CELF2: variants seen among roughly 807,000 people sequenced by gnomAD.
CELF2 encodes the protein CUGBP Elav-like family member 2, also known as CUG triplet repeat RNA-binding protein 2.
A neutral mutation model predicts 62.6 loss-of-function variants in CELF2; 8 were observed. The ratio of observed to expected loss-of-function variants is 0.13; its 90% CI spans 0.07 to 0.23. The LOEUF (loss-of-function observed/expected upper bound fraction) is 0.23. Ranked by LOEUF, CELF2 falls within the 10% of genes least tolerant of loss-of-function variation. The pLI is 1.00. For missense variants in CELF2, 333 were observed against 671.0 expected (o/e 0.50, Z 5.56); for synonymous variants, 258 against 250.0 (o/e 1.03, Z -0.30).
rs750574644 is a variant in CELF2 at position 10,995,147 on chromosome 10, A to T, written c.89+75148A>T. Among the ~76,000 whole-genome samples the T allele has an allele frequency of 6.6e-6, 1 of 152,200 alleles. No individual in the cohort carries two copies. Among genetic ancestry groups the T allele is most frequent in the Non-Finnish European group, 1.5e-5 (1 of 68,042 alleles). ...TGGTTATAAGTTCCTTAAGGGCAGGAGCTATGCCCCGTGCCTCTTTTGAAT... is the reference window on the plus strand; with the variant it reads ...TGGTTATAAGTTCCTTAAGGGCAGGTGCTATGCCCCGTGCCTCTTTTGAAT... On this transcript the variant is annotated intron_variant, in intron 2 of 13. Transcript: ENST00000636488. The surrounding 1 kb of genome is among the most constrained non-coding windows in gnomAD (Gnocchi z 4.7).
At chr10:10,798,337 C>T (rs1024805192), upstream of CELF2, 4 of 158,446 alleles carry the variant, frequency 2.5e-5, no homozygotes, top group African/African-American at 9.6e-5. Flanking sequence ...AGGAGAAATA[C>T]CCCCAAGGAG....
Position 10,839,184 on chromosome 10 carries a change from G to A in CELF2, c.53+40367G>A, listed in dbSNP as rs982862472. Among the ~76,000 whole-genome samples, 42 of 152,038 alleles carry A rather than the reference G, an allele frequency of 2.8e-4. 1 individual carries two copies. The highest frequency in any genetic ancestry group is 2.3e-3 in the Admixed American group (35 of 15,260). ...ATATTAGAAACCAAGACCTGGACAC[G>A]AGGTGTGCTCACTGCTACCGGGTTG... On this transcript the variant is annotated intron_variant, in intron 1 of 13. Coordinates refer to the CELF2 transcript ENST00000636488.
At chr10:10,737,191 C>T in the CELF2 span, among the ~76,000 whole-genome samples, 2 of 152,066 alleles carry the variant, frequency 1.3e-5, no homozygotes, top group Admixed American at 6.6e-5. Context: ...ATGTTTGAAA[C>T]GTTATCTTGT....
the CELF2 span, among the ~76,000 whole-genome samples, chr10:10,565,965 A>G: frequency 6.6e-6 from 1 of 152,170 alleles, no homozygotes; most frequent in Non-Finnish European, 1.5e-5. Flanking sequence ...ACATGCTTCT[A>G]ATTTTGCATC....
intron 2 of CELF2, among the ~76,000 whole-genome samples, chr10:11,172,329 C>T (rs1001478264): frequency 6.6e-6 from 1 of 152,210 alleles, no homozygotes; most frequent in Non-Finnish European, 1.5e-5. Flanking sequence ...TAGATTCATG[C>T]AAGCGGAGGA....
chr10:10,652,485 A>G, the CELF2 span, among the ~76,000 whole-genome samples: 1 of 135,508 alleles, frequency 7.4e-6, no homozygotes, highest in Non-Finnish European at 1.6e-5. Context: ...AGGTCGGGTT[A>G]CCCTCAAAGG....
Position 11,270,595 on chromosome 10 carries a change from G to A in CELF2, c.619-71G>A, listed in dbSNP as rs2083474111. 1.5e-6 allele frequency: 2 copies of A among 1,310,906 alleles called. No individual in the cohort carries two copies. The highest frequency in any genetic ancestry group is 5.9e-5 in the Admixed American group (2 of 34,062). 81.2% of individuals were successfully genotyped at this position (1,310,906 alleles called of 1,614,324 possible). A position where few individuals can be genotyped will look rare whatever the true frequency, so the allele number is the denominator to read the frequency against. On this transcript the variant is annotated intron_variant, in intron 6 of 12. Coordinates refer to ENST00000633077, the MANE Select transcript of CELF2 (RefSeq NM_001326342.2). This position sits in a 1 kb window ranked among gnomAD's most constrained non-coding sequence, Gnocchi z 5.8. ...AGGCTAGTGCAGAAAGGTAGCTCCG[G>A]TGCTGAGTGTCGTGAGCGGATTCCG... is the stretch of plus-strand genomic sequence containing the variant.
At chr10:10,775,194 T>G in the CELF2 span, among the ~76,000 whole-genome samples, 5 of 152,174 alleles carry the variant, frequency 3.3e-5, no homozygotes, top group Non-Finnish European at 5.9e-5. Flanking sequence ...ATGTTTTAGT[T>G]AAGACCTGGA....
intron 2 of CELF2, among the ~76,000 whole-genome samples, chr10:11,204,075 T>C (rs1403009977): frequency 2.0e-5 from 3 of 152,342 alleles, no homozygotes; most frequent in Non-Finnish European, 4.4e-5. Context: ...GAATCATCGT[T>C]AACATTATCC....
At chr10:11,067,482 C>G (rs934882289) in intron 1 of CELF2, among the ~76,000 whole-genome samples, 4 of 152,180 alleles carry the variant, frequency 2.6e-5, no homozygotes, top group African/African-American at 9.7e-5. Flanking sequence ...AAAATGAGAA[C>G]GCTTCTAAGT....
At chr10:11,143,451 TC>T (rs1266585873) in intron 1 of CELF2, among the ~76,000 whole-genome samples, 2 of 152,150 alleles carry the variant, frequency 1.3e-5, no homozygotes, top group Non-Finnish European at 2.9e-5. Flanking sequence ...CACTTCAAGT[TC>T]CGGTTTTGTC....
intron 2 of CELF2, among the ~76,000 whole-genome samples, chr10:11,216,784 A>T (rs566211185): frequency 6.6e-6 from 1 of 152,368 alleles, no homozygotes; most frequent in Admixed American, 6.5e-5. Context: ...TATGTAATGC[A>T]TGGGCCAGAG....
intron 1 of CELF2, among the ~76,000 whole-genome samples, chr10:11,082,383 C>T (rs191082016): frequency 2.4e-4 from 36 of 152,276 alleles, no homozygotes; most frequent in Non-Finnish European, 4.6e-4. Flanking sequence ...ACTCTCTTCC[C>T]GCTAGTTGTT....
the CELF2 span, among the ~76,000 whole-genome samples, chr10:10,560,080 C>T: frequency 3.3e-5 from 5 of 152,176 alleles, no homozygotes; most frequent in Admixed American, 3.3e-4. Flanking sequence ...AATCCTCAAT[C>T]TGGCTGAAAT....
intron 1 of CELF2, among the ~76,000 whole-genome samples, chr10:10,915,254 A>C (rs950762265): frequency 6.6e-6 from 1 of 152,182 alleles, no homozygotes; most frequent in Non-Finnish European, 1.5e-5. Context: ...CTATAACTAT[A>C]TCAGGCATTT....
intron 2 of CELF2, among the ~76,000 whole-genome samples, chr10:10,939,274 G>GTTGT (rs1554889242): frequency 1.0e-5 from 1 of 98,720 alleles, no homozygotes; most frequent in African/African-American, 6.7e-5. Context: ...CTTTTGTTTT[G>GTTGT]TGGTGTTGTT....
chr10:11,079,737 T>C lies in CELF2; in HGVS notation c.74+61574T>C, dbSNP rs764669673. ...TCATAGCAGTGTGAGAATGGACTAA[T>C]ACAGCCCCCCCCCCCTTTTTAGGCC... On this transcript the variant is annotated intron_variant, in intron 1 of 12. Coordinates refer to ENST00000633077, the MANE Select transcript of CELF2 (RefSeq NM_001326342.2). Among the ~76,000 whole-genome samples the C allele has an allele frequency of 2.5e-4, 24 of 96,274 alleles. 1 individual carries two copies. Among genetic ancestry groups the C allele is most frequent in the Non-Finnish European group, 5.8e-5 (3 of 51,664 alleles). The allele number at this position is 96,274 out of a possible 152,430, so 63.2% of individuals were successfully genotyped here. A position where few individuals can be genotyped will look rare whatever the true frequency, so the allele number is the denominator to read the frequency against.
intron 8 of CELF2, among the ~76,000 whole-genome samples, chr10:11,287,048 C>T (rs989267460): frequency 6.6e-6 from 1 of 152,174 alleles, no homozygotes; most frequent in African/African-American, 2.4e-5. Context: ...TGAGCTGCGC[C>T]CGTGGCTGGG....
In CELF2 at chr10:10,864,416, T is replaced by G. The variant is rs958177871; in HGVS notation, c.54-55548T>G. Reference sequence around the variant, plus strand: ...CTCTCTAAGGGCACAGACTATGTACTAATCAGCTCAGGCTGCCGTAACAAA... The same window carrying G: ...CTCTCTAAGGGCACAGACTATGTACGAATCAGCTCAGGCTGCCGTAACAAA... On this transcript the variant is annotated intron_variant, in intron 1 of 13. Coordinates refer to the CELF2 transcript ENST00000636488. 4.6e-5 allele frequency among the ~76,000 whole-genome samples: 7 copies of G among 152,320 alleles called. No individual in the cohort carries two copies. The East Asian group carries it at 9.7e-4, about 21-fold the overall frequency.
Sources: gnomAD v4.1 joint callset for allele counts (sites outside exome capture counted in the v4.1 genomes callset) on GRCh38, gnomAD v4.1.1 for gene constraint, Gnocchi (gnomAD v3.1) non-coding constraint, MANE v1.5 for transcripts, NCBI Gene and HGNC (gene_info 2026-07-23, HGNC 2026-07-21) for gene names.